Variants in CFAP46 observed in about 807,000 individuals in gnomAD.
CFAP46 encodes the protein cilia- and flagella-associated protein 46.
In CFAP46, 245 loss-of-function variants were observed where a neutral mutation model predicts 325.7. The ratio of observed to expected loss-of-function variants is 0.75; its 90% CI spans 0.68 to 0.84. The LOEUF (loss-of-function observed/expected upper bound fraction) is 0.84, where lower values mean the gene tolerates loss of function less well. Ranked by LOEUF, CFAP46 falls within the 40% of genes least tolerant of loss-of-function variation. The pLI, the probability that CFAP46 is intolerant of heterozygous loss-of-function variation, is 0.00. For synonymous variants in CFAP46, 1,523 were observed against 1,495.9 expected, an observed-to-expected ratio of 1.02 and a Z score of -0.42; for missense variants, 3,346 against 3,543.0, an observed-to-expected ratio of 0.94 and a Z score of 1.41.
intron 50 of CFAP46, among the ~76,000 whole-genome samples, chr10:132,820,759 T>G: frequency 9.5e-6 from 1 of 104,978 alleles, no homozygotes; most frequent in Non-Finnish European, 2.0e-5. Flanking sequence ...TGTGTGCTGA[T>G]GTGTGCTGTG....
At chr10:132,907,692 T>TC (rs1849475978) in intron 22 of CFAP46, among the ~76,000 whole-genome samples, 1 of 152,258 alleles carries the variant, frequency 6.6e-6, no homozygotes, top group African/African-American at 2.4e-5. Flanking sequence ...CCCCTCAAAA[T>TC]TCCCATGCTG....
chr10:132,844,610 C>T (rs1316102520), intron 44 of CFAP46, among the ~76,000 whole-genome samples: 1 of 152,154 alleles, frequency 6.6e-6, no homozygotes, highest in Non-Finnish European at 1.5e-5. Context: ...TGGCCCCCAT[C>T]GTGGTGACTG....
In CFAP46 at chr10:132,942,431, G is replaced by T; in HGVS notation, c.49+5C>A. The T allele has an allele frequency of 1.5e-6, 2 of 1,355,266 alleles. No individual in the cohort carries two copies. Among genetic ancestry groups the T allele is most frequent in the Non-Finnish European group, 1.9e-6 (2 of 1,060,394 alleles). 84.0% of individuals were successfully genotyped at this position (1,355,266 alleles called of 1,614,324 possible). ...GGGCGGGGGTCGTGGCGGGCCTGGGGTCACCTTGCTGGCTCTCGGCGCGGG... is the reference window on the plus strand; with the variant it reads ...GGGCGGGGGTCGTGGCGGGCCTGGGTTCACCTTGCTGGCTCTCGGCGCGGG... On this transcript the variant is annotated splice_donor_5th_base_variant and intron_variant, in intron 1 of 57. Coordinates refer to ENST00000368586, the MANE Select transcript of CFAP46 (RefSeq NM_001200049.3).
At position 132,814,725 on chromosome 10, in the gene CFAP46, G is replaced by C. The variant is rs141133652; in HGVS notation, c.7210C>G (p.Pro2404Ala). The change falls in exon 52 of 58, where the codon CCC becomes GCC. Residue 2404 changes from proline to alanine, a missense_variant. By Grantham distance (27) the Pro-to-Ala change is conservative (BLOSUM62 -1). Transcript: ENST00000368586. Reference protein sequence around the residue: ...GRKGSIPRTIPPDCIIVDSDN... With the variant: ...GRKGSIPRTIAPDCIIVDSDN... ...GAGTCGACTATGATGCAGTCAGGGG[G>C]GATGGTCCGGGGGATGCTGCCCTGC... is the stretch of plus-strand genomic sequence containing the variant. 6.2e-7 allele frequency: 1 copy of C among 1,613,252 alleles called. No homozygotes were observed. The highest frequency in any genetic ancestry group is 8.5e-7 in the Non-Finnish European group (1 of 1,179,656).
At chr10:132,840,172 C>T (rs1046915307) in intron 44 of CFAP46, among the ~76,000 whole-genome samples, 3 of 152,170 alleles carry the variant, frequency 2.0e-5, no homozygotes, top group Admixed American at 6.5e-5. Context: ...GGATTTTCTA[C>T]GCTTCTGTTG....
intron 50 of CFAP46, among the ~76,000 whole-genome samples, chr10:132,824,862 G>A: frequency 6.9e-6 from 1 of 144,154 alleles, no homozygotes; most frequent in Admixed American, 6.9e-5. Flanking sequence ...GTGTGTGTGT[G>A]CTGATGTGTG....
chr10:132,909,181 T>C lies in CFAP46; in HGVS notation c.2713A>G (p.Asn905Asp). ...VLVALEMYSC[N>D]GLGLMDFTVP... ...GTGAAGTCCATGAGGCCCAGCCCGT[T>C]GCATGAGTACATTTCCAAGGCAACG... is the stretch of plus-strand genomic sequence containing the variant. Residue 905 changes from asparagine (N) to aspartate (D), a missense_variant, in exon 21 of 58, where the codon AAC becomes GAC. By Grantham distance (23) the Asn-to-Asp change is conservative (BLOSUM62 1). Transcript: ENST00000368586. 6 of 1,550,144 alleles carry C rather than the reference T, an allele frequency of 3.9e-6. No individual in the cohort carries two copies. Among genetic ancestry groups the C allele is most frequent in the Non-Finnish European group, 5.2e-6 (6 of 1,146,898 alleles).
chr10:132,849,705 G>A (rs1010617938), intron 41 of CFAP46, among the ~76,000 whole-genome samples: 2 of 152,092 alleles, frequency 1.3e-5, no homozygotes, highest in Non-Finnish European at 2.9e-5. Flanking sequence ...CCTTCTCAGA[G>A]CCACCTGGGC....
chr10:132,924,918 G>A, intron 10 of CFAP46, 32 bp from the exon 11 acceptor site: 1 of 1,360,946 alleles, frequency 7.3e-7, no homozygotes, highest in Non-Finnish European at 9.5e-7. Flanking sequence ...TTCTAGGGAG[G>A]TTGCTGGCTC....
intron 25 of CFAP46, among the ~76,000 whole-genome samples, chr10:132,890,312 G>A (rs982426926): frequency 3.3e-5 from 5 of 152,188 alleles, no homozygotes; most frequent in Non-Finnish European, 4.4e-5. Flanking sequence ...CTCTGTCCTC[G>A]TGAAACACCC....
intron 25 of CFAP46, among the ~76,000 whole-genome samples, chr10:132,892,124 C>T (rs780826142): frequency 1.8e-4 from 27 of 152,208 alleles, no homozygotes; most frequent in Non-Finnish European, 3.5e-4. Context: ...GGCTTCATTG[C>T]ACGTTGAAAG....
At chr10:132,915,274 G>A (rs1420246872) in intron 17 of CFAP46, among the ~76,000 whole-genome samples, 2 of 152,264 alleles carry the variant, frequency 1.3e-5, no homozygotes, top group African/African-American at 4.8e-5. Flanking sequence ...CTTGGGCCTG[G>A]GTCCTGGAAA....
chr10:132,811,538 GTCACC>G (rs1200483145), intron 55 of CFAP46, among the ~76,000 whole-genome samples: 6 of 152,316 alleles, frequency 3.9e-5, no homozygotes, highest in Admixed American at 3.9e-4. Context: ...GCATGAGCTG[GTCACC>G]CTGGCCTGGG....
intron 9 of CFAP46, 38 bp from the exon 10 acceptor site, chr10:132,926,704 G>A: frequency 7.1e-7 from 1 of 1,405,126 alleles, no homozygotes; most frequent in Non-Finnish European, 9.7e-7. Context: ...ATGGAGATCT[G>A]TAAGGGAAGC....
At chr10:132,809,793 A>C (rs1364831586) in intron 57 of CFAP46, among the ~76,000 whole-genome samples, 1 of 152,158 alleles carries the variant, frequency 6.6e-6, no homozygotes, top group Non-Finnish European at 1.5e-5. Flanking sequence ...GTGTTTGAGA[A>C]CAGACCATGT....
chr10:132,882,157 G>C (rs1306009304), intron 27 of CFAP46, among the ~76,000 whole-genome samples: 1 of 151,118 alleles, frequency 6.6e-6, no homozygotes, highest in East Asian at 2.0e-4. Flanking sequence ...GGGATGTGGG[G>C]TGTGAGTGGT....
intron 50 of CFAP46, 148 bp downstream of exon 50, chr10:132,833,210 A>T (rs1351387637): frequency 1.2e-6 from 1 of 829,186 alleles, no homozygotes; most frequent in Non-Finnish European, 1.9e-6. Context: ...ATATCCTACA[A>T]ATATCTTTGA....
rs548807039 is a variant in CFAP46, at chr10:132,835,581, G to C, written c.6614-147C>G. 5 of 1,046,686 alleles carry C rather than the reference G, an allele frequency of 4.8e-6. No individual in the cohort carries two copies. In the Admixed American group the frequency reaches 9.8e-5, roughly 21 times the overall value. The allele number at this position is 1,046,686 out of a possible 1,614,324, so 64.8% of individuals were successfully genotyped here. On this transcript the variant is annotated intron_variant, in intron 46 of 57. Coordinates refer to ENST00000368586, the MANE Select transcript of CFAP46 (RefSeq NM_001200049.3). Reference sequence around the variant, plus strand: ...CCCTTCCTTCATGTGGGGTCCCCCTGGTCCCATGCTGTGGAGACGCTGCCA... The same window carrying C: ...CCCTTCCTTCATGTGGGGTCCCCCTCGTCCCATGCTGTGGAGACGCTGCCA...
chr10:132,824,027 A>T (rs1255588113), intron 50 of CFAP46, among the ~76,000 whole-genome samples: 4 of 69,360 alleles, frequency 5.8e-5, no homozygotes, highest in East Asian at 4.2e-4. Flanking sequence ...GTGCTGTGTG[A>T]GTGCTGATGT....
Sources: allele counts gnomAD v4.1 joint callset (sites outside exome capture counted in the v4.1 genomes callset), GRCh38; gene constraint gnomAD v4.1.1; transcripts MANE v1.5; gene names NCBI Gene and HGNC (gene_info 2026-07-23, HGNC 2026-07-21).